CEP290: variants seen among roughly 807,000 people sequenced by gnomAD.
CEP290 encodes the protein centrosomal protein 290, also known as centrosomal protein of 290 kDa.
In CEP290, 317 loss-of-function variants were observed where a neutral mutation model predicts 344.9. The observed-to-expected ratio is 0.92, with a 90% CI of 0.84 to 1.01. The LOEUF (loss-of-function observed/expected upper bound fraction) is 1.01. CEP290 is among the 50% of genes least tolerant of loss of function. CEP290 has a pLI of 0.00. For missense variants in CEP290, 2,754 were observed against 2,761.4 expected, an observed-to-expected ratio of 1.00 and a Z score of 0.06; for synonymous variants, 932 against 895.8, an observed-to-expected ratio of 1.04 and a Z score of -0.72.
rs896218309 is a variant in CEP290, at chr12:88,083,901, G to C, written c.4758C>G (p.His1586Gln). Reference sequence around the variant, plus strand: ...AACTATCAGCCTGTAGTTCTAATCTGTGATGAAGAATATGAAGGTCTTCCT... The same window carrying C: ...AACTATCAGCCTGTAGTTCTAATCTCTGATGAAGAATATGAAGGTCTTCCT... ...KHEEDLHILHHRLELQADSSL... is the reference protein window; with the variant it reads ...KHEEDLHILHQRLELQADSSL... Residue 1586 changes from histidine to glutamine, a missense_variant, in exon 36 of 54, where the codon CAC becomes CAG. Coordinates refer to ENST00000552810, the MANE Select transcript of CEP290 (RefSeq NM_025114.4). 6.2e-7 allele frequency: 1 copy of C among 1,600,230 alleles called. No homozygotes were observed. The highest frequency in any genetic ancestry group is 2.2e-5 in the East Asian group (1 of 44,492).
At chr12:88,136,542 C>CA (rs1238036467) in intron 6 of CEP290, 101 bp downstream of exon 6, 4 of 1,193,480 alleles carry the variant, frequency 3.4e-6, no homozygotes, top group East Asian at 4.8e-5. Flanking sequence ...CATCATTTTT[C>CA]AAATATAACA....
intron 28 of CEP290, 109 bp from the exon 29 acceptor site, chr12:88,092,941 A>G (rs891913791): frequency 3.7e-5 from 36 of 973,334 alleles, no homozygotes; most frequent in Non-Finnish European, 5.2e-5. Context: ...CTTAGTTCAC[A>G]TATTATATTA....
At chr12:88,117,606 C>T (rs769823853) in intron 17 of CEP290, among the ~76,000 whole-genome samples, 1 of 152,212 alleles carries the variant, frequency 6.6e-6, no homozygotes, top group Non-Finnish European at 1.5e-5. Context: ...GACAGTCCTT[C>T]TGTGTGGTCT....
rs745414652 is a variant in CEP290 at position 88,049,319 on chromosome 12, C to G, written c.7305G>C (p.Val2435=). 1 of 1,591,598 alleles carries G rather than the reference C, an allele frequency of 6.3e-7. No individual in the cohort carries two copies. Among genetic ancestry groups the G allele is most frequent in the Admixed American group, 1.7e-5 (1 of 59,286 alleles). The change falls in exon 54 of 54, where the codon GTG becomes GTC. Residue 2435 remains valine (V), a synonymous_variant. Coordinates refer to ENST00000552810, the MANE Select transcript of CEP290 (RefSeq NM_025114.4). ...TCTCTTCTAAGAGAATATTCTTCTT[C>G]ACTTCTTCCTTGTAATTATACTTAA... ...EDLKYNYKEE[V]KKNILLEEKV...
intron 20 of CEP290, 51 bp from the exon 21 acceptor site, chr12:88,111,909 A>T: frequency 7.6e-7 from 1 of 1,309,076 alleles, no homozygotes; most frequent in South Asian, 1.7e-5. Context: ...CAGTAAAATC[A>T]TAGTAAAAAA....
chr12:88,118,715 TA>T lies in CEP290; in HGVS notation c.1550del (p.Leu517Ter), dbSNP rs62640579. The T allele has an allele frequency of 6.2e-7, 1 of 1,612,502 alleles. No individual in the cohort carries two copies. The highest frequency in any genetic ancestry group is 8.5e-7 in the Non-Finnish European group (1 of 1,179,422). On this transcript the variant is annotated frameshift_variant, in exon 16 of 54. Coordinates refer to ENST00000552810, the MANE Select transcript of CEP290 (RefSeq NM_025114.4). LOFTEE classifies it high-confidence loss of function. ...VGLEPKTMID[L>X]TEFRNSKHLK... ...AGTGTTTGCTATTTCTAAATTCAGT[TA>T]AATCAATCATTGTCTTTGGTTCAAG...
intron 18 of CEP290, among the ~76,000 whole-genome samples, chr12:88,116,693 G>C (rs941308341): frequency 6.6e-6 from 1 of 152,174 alleles, no homozygotes; most frequent in Non-Finnish European, 1.5e-5. Context: ...ATATTTTCCT[G>C]GCCGGGCGCG....
At chr12:88,096,184 A>C (rs998401593) in intron 27 of CEP290, among the ~76,000 whole-genome samples, 2 of 151,976 alleles carry the variant, frequency 1.3e-5, no homozygotes, top group African/African-American at 4.8e-5. Flanking sequence ...GAGTAGATGG[A>C]ATTACAGGCA....
Position 88,113,525 on chromosome 12 carries a change from T to C in CEP290, c.2052+895A>G, listed in dbSNP as rs888813919. On this transcript the variant is annotated intron_variant, in intron 20 of 53. Transcript: ENST00000552810. ...AAAGTATCCAATTACTGATTAATCATGATTTTTTTAAAAAAACAATTCAAT... is the reference window on the plus strand; with the variant it reads ...AAAGTATCCAATTACTGATTAATCACGATTTTTTTAAAAAAACAATTCAAT... Among the ~76,000 whole-genome samples, 5 of 152,012 alleles carry C rather than the reference T, an allele frequency of 3.3e-5. No homozygotes were observed. In the South Asian group the frequency reaches 8.3e-4, roughly 25 times the overall value.
intron 23 of CEP290, among the ~76,000 whole-genome samples, chr12:88,108,071 T>TAC (rs2038417822): frequency 1.3e-5 from 2 of 152,214 alleles, no homozygotes; most frequent in African/African-American, 4.8e-5. Context: ...CACCATGTTG[T>TAC]ATACCATAAA....
intron 15 of CEP290, among the ~76,000 whole-genome samples, chr12:88,119,358 C>G (rs2039263955): frequency 6.6e-6 from 1 of 151,878 alleles, no homozygotes; most frequent in Non-Finnish European, 1.5e-5. Flanking sequence ...TCATAACACT[C>G]AAATTAGTAA....
In CEP290 at chr12:88,114,580, TCTCATTGGA is replaced by T. The variant is rs1485440549; in HGVS notation, c.1910-27_1910-19del. On this transcript the variant is annotated intron_variant, in intron 19 of 53. Transcript: ENST00000552810. ...TTCTTTTACTGTAATTACACAGTTT[TCTCATTGGA>T]TGATCAGATCTTTTTCACAATTTAC... 1.3e-6 allele frequency: 2 copies of T among 1,520,976 alleles called. No individual in the cohort carries two copies. The highest frequency in any genetic ancestry group is 4.4e-5 in the Admixed American group (2 of 45,666). The allele number at this position is 1,520,976 out of a possible 1,614,324, so 94.2% of individuals were successfully genotyped here.
rs2036441054 is a variant in CEP290 at position 88,084,662 on chromosome 12, G to A, written c.4628C>T (p.Ala1543Val). The change falls in exon 35 of 54, where the codon GCA becomes GTA. Residue 1543 changes from alanine to valine, a missense_variant. Transcript: ENST00000552810. ...HTLKIAHQTI[A>V]NMQARLNQKE... is the part of the protein sequence containing the mutation. ...TTGATTTAACCTTGCTTGCATGTTT[G>A]CAATGGTTTGATGAGCAATTTTCAA... The A allele has an allele frequency of 3.1e-6, 5 of 1,613,440 alleles. No individual in the cohort carries two copies. The South Asian group carries it at 4.4e-5, about 14-fold the overall frequency.
chr12:88,107,294 A>G (rs1213054387), intron 23 of CEP290, among the ~76,000 whole-genome samples, 196 bp from the exon 24 acceptor site: 1 of 152,166 alleles, frequency 6.6e-6, no homozygotes, highest in African/African-American at 2.4e-5. Context: ...TTTTAAATAA[A>G]TGCAAGGCAA....
chr12:88,050,078 T>C, intron 53 of CEP290: 1 of 252,020 alleles, frequency 4.0e-6, no homozygotes, highest in Non-Finnish European at 7.4e-6. Context: ...AAAGACACTG[T>C]TGCCAATGTG....
At chr12:88,056,781 A>G (rs2034040769) in intron 49 of CEP290, among the ~76,000 whole-genome samples, 1 of 152,206 alleles carries the variant, frequency 6.6e-6, no homozygotes, top group African/African-American at 2.4e-5. Context: ...AGCATGAGCA[A>G]GACCTGTGTC....
intron 37 of CEP290, among the ~76,000 whole-genome samples, chr12:88,080,869 T>G (rs1857600367): frequency 6.6e-6 from 1 of 152,242 alleles, no homozygotes; most frequent in African/African-American, 2.4e-5. Flanking sequence ...AGAATAATTC[T>G]TTATTTCATT....
At chr12:88,141,711 GA>G (rs941054135) in intron 1 of CEP290, among the ~76,000 whole-genome samples, 188 bp downstream of exon 1, 5 of 151,736 alleles carry the variant, frequency 3.3e-5, no homozygotes, top group Non-Finnish European at 5.9e-5. Context: ...AATTGGGGCT[GA>G]AAAAAAACGC....
chr12:88,072,349 T>C (rs2035444914), intron 41 of CEP290, among the ~76,000 whole-genome samples: 1 of 152,262 alleles, frequency 6.6e-6, no homozygotes, highest in Non-Finnish European at 1.5e-5. Flanking sequence ...TTTCCACTTG[T>C]GGCATCATAT....
Sources: allele counts gnomAD v4.1 joint callset (sites outside exome capture counted in the v4.1 genomes callset), GRCh38; gene constraint gnomAD v4.1.1; transcripts MANE v1.5; gene names NCBI Gene and HGNC (gene_info 2026-07-23, HGNC 2026-07-21).